The following SIPA1L1 variants were observed in gnomAD, a reference collection of about 807,000 sequenced individuals.
The protein encoded by SIPA1L1 is signal-induced proliferation-associated 1-like protein 1.
Under a neutral mutation model 162.7 loss-of-function variants are expected in SIPA1L1, and 26 were observed. The ratio of observed to expected loss-of-function variants is 0.16; its 90% CI spans 0.12 to 0.22. The LOEUF is 0.22. Among genes scored for constraint, SIPA1L1 ranks in the 10% least tolerant of loss-of-function variants. The pLI, the probability that SIPA1L1 is intolerant of heterozygous loss-of-function variation, is 1.00. For synonymous variants in SIPA1L1, 829 were observed against 837.4 expected (o/e 0.99, Z 0.17); for missense variants, 1,874 against 2,241.0 (o/e 0.84, Z 3.31).
At chr14:71,507,878 G>A (rs2050801557) in intron 2 of SIPA1L1, among the ~76,000 whole-genome samples, 2 of 152,114 alleles carry the variant, frequency 1.3e-5, no homozygotes. Flanking sequence ...CCATCATTCT[G>A]CAGCGGACTC....
chr14:71,322,005 A>G (rs1594796108), intron 2 of SIPA1L1, among the ~76,000 whole-genome samples: 1 of 152,086 alleles, frequency 6.6e-6, no homozygotes, highest in Non-Finnish European at 1.5e-5. Flanking sequence ...TATAGATTTT[A>G]TTTTTCCTGA....
rs765106790 is a variant in SIPA1L1 at position 71,446,894 on chromosome 14, G to GTTTTTTTTTTTTTTTTTTTTTT, written c.-464-65838_-464-65837insTTTTTTTTTTTTTTTTTTTTTT. On this transcript the variant is annotated intron_variant, in intron 2 of 23. Coordinates refer to ENST00000381232, the MANE Select transcript of SIPA1L1 (RefSeq NM_001386936.1). ...CTGCAAATAAAGAGAGATGGGCTCTGTTTTTTTTTTTGTTTTTTTTTTTTT... is the reference window on the plus strand; with the variant it reads ...CTGCAAATAAAGAGAGATGGGCTCTGTTTTTTTTTTTTTTTTTTTTTTTTTTTTTTTTTGTTTTTTTTTTTTT... 1.1e-4 allele frequency among the ~76,000 whole-genome samples: 10 copies of GTTTTTTTTTTTTTTTTTTTTTT among 87,402 alleles called. 1 individual carries two copies. Among genetic ancestry groups the GTTTTTTTTTTTTTTTTTTTTTT allele is most frequent in the African/African-American group, 2.2e-4 (5 of 22,998 alleles). The allele number at this position is 87,402 out of a possible 152,430, so 57.3% of individuals were successfully genotyped here. A position where few individuals can be genotyped will look rare whatever the true frequency, so the allele number is the denominator to read the frequency against.
In SIPA1L1 at chr14:71,672,459, G is replaced by A. The variant is rs774150182; in HGVS notation, c.2941G>A (p.Gly981Ser). 36 of 1,614,106 alleles carry A rather than the reference G, an allele frequency of 2.2e-5. No homozygotes were observed. Among genetic ancestry groups the A allele is most frequent in the South Asian group, 4.4e-5 (4 of 91,092 alleles). The change falls in exon 12 of 24, where the codon GGT (glycine) becomes AGT (serine). Residue 981 changes from glycine (G) to serine (S), a missense_variant. Gly to Ser is a moderately conservative substitution (Grantham distance 56, BLOSUM62 0). Coordinates refer to ENST00000381232, the MANE Select transcript of SIPA1L1 (RefSeq NM_001386936.1). Reference sequence around the variant, plus strand: ...CATTGTGGCGGATGTGGAGCCCTACGGTTATGCCTGGCAGGCAGGGCTGAG... The same window carrying A: ...CATTGTGGCGGATGTGGAGCCCTACAGTTATGCCTGGCAGGCAGGGCTGAG... ...EGIVADVEPY[G>S]YAWQAGLRQG... is the part of the protein sequence containing the mutation.
chr14:71,661,754 G>A (rs1318588713), intron 10 of SIPA1L1, among the ~76,000 whole-genome samples: 1 of 152,066 alleles, frequency 6.6e-6, no homozygotes, highest in Non-Finnish European at 1.5e-5. Context: ...TACTCATATT[G>A]CTAATTATAT....
intron 13 of SIPA1L1, among the ~76,000 whole-genome samples, chr14:71,689,008 A>G (rs1011270189): frequency 1.3e-5 from 2 of 152,242 alleles, no homozygotes; most frequent in African/African-American, 4.8e-5. Flanking sequence ...TGGATCCAAC[A>G]CAGTCCATTT....
intron 4 of SIPA1L1, among the ~76,000 whole-genome samples, chr14:71,530,026 C>A (rs912425567): frequency 2.0e-5 from 3 of 152,206 alleles, no homozygotes; most frequent in Non-Finnish European, 4.4e-5. Context: ...AGGAAACCAG[C>A]CCTGAAGCTT....
chr14:71,664,592 G>A (rs1352048036), intron 10 of SIPA1L1, among the ~76,000 whole-genome samples: 3 of 152,144 alleles, frequency 2.0e-5, no homozygotes, highest in East Asian at 1.9e-4. Flanking sequence ...ATTTTTAAAC[G>A]TGCAATTAAA....
chr14:71,591,932 GAAC>G (rs1358247443), intron 5 of SIPA1L1, among the ~76,000 whole-genome samples: 2 of 151,980 alleles, frequency 1.3e-5, no homozygotes, highest in Non-Finnish European at 2.9e-5. Flanking sequence ...TTTTTAATAG[GAAC>G]AACGTTTATC....
intron 4 of SIPA1L1, among the ~76,000 whole-genome samples, chr14:71,571,522 A>G (rs775884135): frequency 2.0e-5 from 3 of 152,212 alleles, no homozygotes; most frequent in South Asian, 2.1e-4. Flanking sequence ...GAATCAGACT[A>G]TTTTGGGCTG....
chr14:71,509,756 AAAG>A (rs2050969944), intron 2 of SIPA1L1, among the ~76,000 whole-genome samples: 3 of 151,998 alleles, frequency 2.0e-5, no homozygotes, highest in Admixed American at 1.3e-4. Context: ...AAAAAAAAAA[AAAG>A]AAAGAAAAAA....
At chr14:71,443,442 C>T (rs545050217) in intron 2 of SIPA1L1, among the ~76,000 whole-genome samples, 46 of 151,944 alleles carry the variant, frequency 3.0e-4, no homozygotes, top group Admixed American at 3.0e-3. Context: ...ATTTATAGTT[C>T]CTTGTAATCC....
At chr14:71,407,310 T>C (rs1445971828) in intron 2 of SIPA1L1, among the ~76,000 whole-genome samples, 1 of 152,256 alleles carries the variant, frequency 6.6e-6, no homozygotes, top group Middle Eastern at 3.2e-3. Context: ...ATTTAGAGGA[T>C]GAATTTACAT....
At chr14:71,409,709 T>C (rs1487185669) in intron 2 of SIPA1L1, among the ~76,000 whole-genome samples, 1 of 152,240 alleles carries the variant, frequency 6.6e-6, no homozygotes, top group African/African-American at 2.4e-5. Flanking sequence ...CCCTTGTTTA[T>C]AGAAATTACT....
chr14:71,356,567 C>CCAAAAAAAAAAAAAAA (rs777415215), intron 2 of SIPA1L1, among the ~76,000 whole-genome samples: 1 of 39,172 alleles, frequency 2.6e-5, no homozygotes, highest in African/African-American at 1.1e-4. Flanking sequence ...CTTGTCTCTA[C>CCAAAAAAAAAAAAAAA]AAAAAAAAAA....
chr14:71,509,297 AG>A (rs1035500573), intron 2 of SIPA1L1, among the ~76,000 whole-genome samples: 4 of 152,172 alleles, frequency 2.6e-5, no homozygotes, highest in African/African-American at 9.7e-5. Flanking sequence ...GTAAATTTTT[AG>A]GTTGTATTTA....
intron 2 of SIPA1L1, among the ~76,000 whole-genome samples, chr14:71,507,905 G>A (rs540458736): frequency 2.6e-4 from 40 of 152,302 alleles, no homozygotes; most frequent in East Asian, 1.9e-4. Flanking sequence ...TTAAGTGCCT[G>A]CAGGGGCCTG....
chr14:71,588,276 T>C lies in SIPA1L1; in HGVS notation c.404T>C (p.Ile135Thr). The C allele has an allele frequency of 1.2e-6, 2 of 1,614,102 alleles. No individual in the cohort carries two copies. Among genetic ancestry groups the C allele is most frequent in the Non-Finnish European group, 1.7e-6 (2 of 1,180,002 alleles). ...AATGACTCAGCCATGCTGAAAAGCA[T>C]ACAGAACACGCTGAAAAACAAGACA... Reference protein sequence around the residue: ...NSNDSAMLKSIQNTLKNKTRP... With the variant: ...NSNDSAMLKSTQNTLKNKTRP... The change falls in exon 5 of 24, where the codon ATA becomes ACA. Residue 135 changes from isoleucine to threonine, a missense_variant. Physicochemically the swap from Ile to Thr is moderately conservative, Grantham distance 89. Coordinates refer to ENST00000381232, the MANE Select transcript of SIPA1L1 (RefSeq NM_001386936.1). This position sits in a 1 kb window ranked among gnomAD's most constrained non-coding sequence, Gnocchi z 4.3.
chr14:71,593,403 G>C (rs769572637), intron 5 of SIPA1L1, among the ~76,000 whole-genome samples: 1 of 151,848 alleles, frequency 6.6e-6, no homozygotes, highest in Non-Finnish European at 1.5e-5. Context: ...GTAGAGATGG[G>C]GTTTCACCAC....
At chr14:71,640,096 G>GT (rs1465665844) in intron 7 of SIPA1L1, among the ~76,000 whole-genome samples, 1 of 152,018 alleles carries the variant, frequency 6.6e-6, no homozygotes, top group African/African-American at 2.4e-5. Context: ...TAGAGACGGG[G>GT]TTTCACCATG....
Sources: gnomAD v4.1 joint callset for allele counts (sites outside exome capture counted in the v4.1 genomes callset) on GRCh38, gnomAD v4.1.1 for gene constraint, Gnocchi (gnomAD v3.1) non-coding constraint, MANE v1.5 for transcripts, NCBI Gene and HGNC (gene_info 2026-07-23, HGNC 2026-07-21) for gene names.